Variants in ATXN3 observed in about 807,000 individuals in gnomAD.
ATXN3 encodes the protein ataxin-3.
ATXN3 carries 28 observed loss-of-function variants against 58.2 expected under a neutral mutation model. The ratio of observed to expected loss-of-function variants is 0.48; its 90% CI spans 0.36 to 0.66. The LOEUF (loss-of-function observed/expected upper bound fraction) is 0.66, where lower values mean the gene tolerates loss of function less well. Among genes scored for constraint, ATXN3 ranks in the 30% least tolerant of loss-of-function variants. ATXN3 has a pLI of 0.00. For missense variants in ATXN3, 321 were observed against 422.1 expected, an observed-to-expected ratio of 0.76 and a Z score of 2.10; for synonymous variants, 113 against 138.5, an observed-to-expected ratio of 0.82 and a Z score of 1.29.
chr14:92,091,583 A>G (rs1052061069), intron 5 of ATXN3, among the ~76,000 whole-genome samples: 20 of 152,190 alleles, frequency 1.3e-4, no homozygotes, highest in African/African-American at 3.6e-4. Flanking sequence ...TACAGATTTA[A>G]TTCAATATAT....
chr14:92,082,197 A>G, intron 8 of ATXN3, 103 bp downstream of exon 8: 1 of 1,308,018 alleles, frequency 7.6e-7, no homozygotes, highest in Admixed American at 2.3e-5. Flanking sequence ...TTCTGCAGTA[A>G]TTGTCAAAAC....
At chr14:92,073,100 C>G (rs1379862239) in intron 9 of ATXN3, among the ~76,000 whole-genome samples, 1 of 152,230 alleles carries the variant, frequency 6.6e-6, no homozygotes, top group Non-Finnish European at 1.5e-5. Flanking sequence ...ACTCCATGCC[C>G]TCTGCCCCTC....
At chr14:92,080,928 T>C in intron 9 of ATXN3, 37 bp downstream of exon 9, 1 of 1,464,058 alleles carries the variant, frequency 6.8e-7, no homozygotes, top group Non-Finnish European at 9.6e-7. Flanking sequence ...AAAGCAAATA[T>C]TAAACATGCT....
intron 6 of ATXN3, among the ~76,000 whole-genome samples, chr14:92,086,509 G>A (rs1485781154): frequency 2.1e-5 from 3 of 144,164 alleles, no homozygotes; most frequent in African/African-American, 7.8e-5. Context: ...AAGTTACGGT[G>A]AGCCGAGATC....
Position 92,097,000 on chromosome 14 carries a change from C to T in ATXN3, c.25-162G>A, listed in dbSNP as rs542990076. On this transcript the variant is annotated intron_variant, in intron 1 of 10. Transcript: ENST00000644486. ...TTGGCTCACTGCAAGCTCCGCCACC[C>T]GGGTTCATGCCATTCTCCTGCCTCA... 1.3e-4 allele frequency: 77 copies of T among 584,390 alleles called. 1 individual carries two copies. Among genetic ancestry groups the T allele is most frequent in the African/African-American group, 7.6e-4 (40 of 52,314 alleles). The allele number at this position is 584,390 out of a possible 1,614,324, so 36.2% of individuals were successfully genotyped here.
At chr14:92,093,950 T>G (rs1054357811) in intron 3 of ATXN3, 119 bp from the exon 4 acceptor site, 18 of 554,008 alleles carry the variant, frequency 3.2e-5, no homozygotes, top group Admixed American at 1.1e-4. Flanking sequence ...ATAGGTTTTT[T>G]TTTTTTTTTT....
In ATXN3 at chr14:92,083,245, A is replaced by G. The variant is rs1174758327; in HGVS notation, c.489T>C (p.Phe163=). 3.1e-6 allele frequency: 5 copies of G among 1,608,672 alleles called. No individual in the cohort carries two copies. The African/African-American group carries it at 5.4e-5, about 17-fold the overall frequency. The part of the protein sequence containing the change: ...AQLQQEGYSI[F]VVKGDLPDCE... Reference sequence around the variant, plus strand: ...AATCTGGCAGATCACCCTTAACGACAAATATAGAATAACCTAAAAAAAAAA... The same window carrying G: ...AATCTGGCAGATCACCCTTAACGACGAATATAGAATAACCTAAAAAAAAAA... Residue 163 remains phenylalanine, a synonymous_variant, in exon 7 of 11, where the codon TTT becomes TTC. Coordinates refer to ENST00000644486, the MANE Select transcript of ATXN3 (RefSeq NM_004993.6).
chr14:92,104,853 C>T (rs1003391119), intron 1 of ATXN3, among the ~76,000 whole-genome samples: 6 of 147,368 alleles, frequency 4.1e-5, no homozygotes, highest in East Asian at 2.0e-4. Flanking sequence ...AACGGGGAGG[C>T]GGAGGTTGCA....
chr14:92,060,270 ATTT>A lies in ATXN3; in HGVS notation c.*4047_*4049del, dbSNP rs61461391. On this transcript the variant is annotated 3_prime_UTR_variant, in exon 11 of 11. Coordinates refer to ENST00000644486, the MANE Select transcript of ATXN3 (RefSeq NM_004993.6). Reference sequence around the variant, plus strand: ...CACACATATATATATATATATATATATTTTTTTTTTTCAGAAACAGTGTCTCAC... The same window carrying A: ...CACACATATATATATATATATATATATTTTTTTTCAGAAACAGTGTCTCAC... 3.4e-5 allele frequency: 4 copies of A among 117,406 alleles called. No homozygotes were observed. The highest frequency in any genetic ancestry group is 1.1e-4 in the African/African-American group (3 of 28,336). 7.3% of individuals were successfully genotyped at this position (117,406 alleles called of 1,614,324 possible).
chr14:92,073,663 C>T (rs765825926), intron 9 of ATXN3: 1 of 152,090 alleles, frequency 6.6e-6, no homozygotes, highest in Non-Finnish European at 1.5e-5. Flanking sequence ...ATGGTGAAAC[C>T]CCATCTCTAT....
downstream of ATXN3, among the ~76,000 whole-genome samples, chr14:92,054,554 C>T (rs940504039): frequency 6.6e-6 from 1 of 152,188 alleles, no homozygotes; most frequent in African/African-American, 2.4e-5. Context: ...TAATCCACCC[C>T]TTGTTTAGCA....
chr14:92,095,983 C>G (rs1270115951), intron 3 of ATXN3, 110 bp downstream of exon 3: 3 of 913,120 alleles, frequency 3.3e-6, no homozygotes, highest in Non-Finnish European at 5.5e-6. Flanking sequence ...AATCTATACT[C>G]TGTAGACAGA....
At chr14:92,068,684 G>A (rs553180414) in intron 10 of ATXN3, among the ~76,000 whole-genome samples, 13 of 152,112 alleles carry the variant, frequency 8.5e-5, no homozygotes, top group South Asian at 2.1e-4. Flanking sequence ...TTCGCTTCCC[G>A]GGATCAAGCA....
chr14:92,070,345 C>A (rs954520607), intron 10 of ATXN3, among the ~76,000 whole-genome samples: 10 of 152,072 alleles, frequency 6.6e-5, no homozygotes, highest in Non-Finnish European at 1.5e-4. Flanking sequence ...TTTGGGAGGC[C>A]GAGGCGGGCG....
chr14:92,077,005 A>G (rs1354505337), intron 9 of ATXN3, among the ~76,000 whole-genome samples: 1 of 151,290 alleles, frequency 6.6e-6, no homozygotes, highest in Non-Finnish European at 1.5e-5. Flanking sequence ...ATTATTCTGG[A>G]AAGCAATTTA....
intron 3 of ATXN3, 86 bp downstream of exon 3, chr14:92,096,007 G>T: frequency 9.2e-7 from 1 of 1,090,642 alleles, no homozygotes; most frequent in Non-Finnish European, 1.4e-6. Context: ...ACTTCCGAAG[G>T]TCGCCTTGTT....
intron 1 of ATXN3, among the ~76,000 whole-genome samples, chr14:92,102,653 T>C (rs569692624): frequency 4.3e-4 from 65 of 152,332 alleles, no homozygotes; most frequent in African/African-American, 1.5e-3. Context: ...ACCTGAGTAA[T>C]GGCAATGGCC....
At chr14:92,104,963 C>G (rs539823167) in intron 1 of ATXN3, among the ~76,000 whole-genome samples, 27 of 151,174 alleles carry the variant, frequency 1.8e-4, no homozygotes, top group Admixed American at 4.0e-4. Context: ...TTTTCACGCA[C>G]TCTACTCAGC....
At chr14:92,046,524 C>G (rs2057428701) in intron 2 of ATXN3, among the ~76,000 whole-genome samples, 1 of 152,172 alleles carries the variant, frequency 6.6e-6, no homozygotes, top group Non-Finnish European at 1.5e-5. Context: ...AGAATTCCAA[C>G]TGCACAGCCC....
Sources: allele counts gnomAD v4.1 joint callset (sites outside exome capture counted in the v4.1 genomes callset), GRCh38; gene constraint gnomAD v4.1.1; transcripts MANE v1.5; gene names NCBI Gene and HGNC (gene_info 2026-07-23, HGNC 2026-07-21).